Variants in ATP8B2 observed in about 807,000 individuals in gnomAD.
The protein encoded by ATP8B2 is phospholipid-transporting ATPase ID.
A neutral mutation model predicts 133.4 loss-of-function variants in ATP8B2; 70 were observed. The observed-to-expected ratio is 0.52, with a 90% CI of 0.43 to 0.64. The LOEUF (loss-of-function observed/expected upper bound fraction) is 0.64. ATP8B2 is among the 30% of genes least tolerant of loss of function. The pLI is 0.00. For synonymous variants in ATP8B2, 517 were observed against 589.5 expected, an observed-to-expected ratio of 0.88 and a Z score of 1.78; for missense variants, 1,101 against 1,535.7, an observed-to-expected ratio of 0.72 and a Z score of 4.73.
intron 13 of ATP8B2, 38 bp downstream of exon 13, chr1:154,341,100 C>T (rs1273920409): frequency 7.5e-6 from 12 of 1,605,912 alleles, no homozygotes; most frequent in Admixed American, 3.4e-5. Flanking sequence ...GCTTGCACCT[C>T]GCCTGGAAGG....
At chr1:154,327,671 C>A (rs1570842808) in intron 1 of ATP8B2, 2 of 892,352 alleles carry the variant, frequency 2.2e-6, no homozygotes, top group Non-Finnish European at 1.8e-6. Context: ...CACCCTGTTT[C>A]CTGATGCCCT....
chr1:154,343,297 CA>C lies in ATP8B2; in HGVS notation c.1639del (p.Ile547Ter). ...FNNIRKRMSV[I>X]VRNPEGKIRL... ...ACAACATCCGCAAGCGGATGTCGGT[CA>C]TAGGTGAGGCCAGGCCTGGGGTGCT... On this transcript the variant is annotated frameshift_variant, in exon 16 of 28. Transcript: ENST00000368489. LOFTEE classifies it high-confidence loss of function. This position sits in a 1 kb window ranked among gnomAD's most constrained non-coding sequence, Gnocchi z 5.8. The C allele has an allele frequency of 1.2e-6, 2 of 1,613,972 alleles. No individual in the cohort carries two copies. Among genetic ancestry groups the C allele is most frequent in the Non-Finnish European group, 1.7e-6 (2 of 1,179,944 alleles).
chr1:154,338,899 G>A (rs1024592032), intron 12 of ATP8B2: 4 of 152,234 alleles, frequency 2.6e-5, no homozygotes, highest in Non-Finnish European at 5.9e-5. Flanking sequence ...TAGGATCAAG[G>A]CAACATGTAG....
Position 154,330,400 on chromosome 1 carries a change from A to G in ATP8B2, c.36A>G (p.Glu12=). The G allele has an allele frequency of 6.2e-7, 1 of 1,613,786 alleles. No individual in the cohort carries two copies. The change falls in exon 3 of 28, where the codon GAA becomes GAG. Residue 12 remains glutamate, a synonymous_variant. Coordinates refer to ENST00000368489, the MANE Select transcript of ATP8B2 (RefSeq NM_001370597.1). ...TGCAGCATCATTTTGTTGCAGAAGAAGAAAGGAGGGCGCGGGCTAATGACC... is the reference window on the plus strand; with the variant it reads ...TGCAGCATCATTTTGTTGCAGAAGAGGAAAGGAGGGCGCGGGCTAATGACC... ...AVCAKKRPPE[E]ERRARANDRE... is the part of the protein sequence containing the mutation.
intron 11 of ATP8B2, among the ~76,000 whole-genome samples, chr1:154,335,858 TGAAACCC>T (rs1686162386): frequency 1.3e-5 from 2 of 151,706 alleles, no homozygotes; most frequent in African/African-American, 4.8e-5. Context: ...ACCAACATGG[TGAAACCC>T]CATCTCTACT....
At position 154,343,513 on chromosome 1, in the gene ATP8B2, A is replaced by G. The variant is rs1686456658; in HGVS notation, c.1703A>G (p.Asp568Gly). The change falls in exon 17 of 28, where the codon GAC becomes GGC. Residue 568 changes from aspartate (D) to glycine (G), a missense_variant. Transcript: ENST00000368489. This position sits in a 1 kb window ranked among gnomAD's most constrained non-coding sequence, Gnocchi z 5.8. Reference sequence around the variant, plus strand: ...AAAGGGGCTGACACTATCCTACTGGACAGACTGCACCACTCCACTCAAGAG... The same window carrying G: ...AAAGGGGCTGACACTATCCTACTGGGCAGACTGCACCACTCCACTCAAGAG... ...YCKGADTILL[D>G]RLHHSTQELL... The G allele has an allele frequency of 1.9e-6, 3 of 1,613,964 alleles. No individual in the cohort carries two copies. The South Asian group carries it at 3.3e-5, about 18-fold the overall frequency.
Position 154,337,574 on chromosome 1 carries a change from C to T in ATP8B2, c.1034+30C>T, listed in dbSNP as rs372285298. On this transcript the variant is annotated intron_variant, in intron 12 of 27. Transcript: ENST00000368489. ...GTGCCTTCTCTGACCTGGGGTCTCTCCAGGGAGTCAGGCGGTCCCATAGAA... is the reference window on the plus strand; with the variant it reads ...GTGCCTTCTCTGACCTGGGGTCTCTTCAGGGAGTCAGGCGGTCCCATAGAA... 86 of 1,614,150 alleles carry T rather than the reference C, an allele frequency of 5.3e-5. 1 individual carries two copies. Among genetic ancestry groups the T allele is most frequent in the Admixed American group, 2.3e-4 (14 of 60,002 alleles).
Position 154,349,164 on chromosome 1 carries a change from C to G in ATP8B2, c.*46C>G, listed in dbSNP as rs1200290645. On this transcript the variant is annotated 3_prime_UTR_variant, in exon 28 of 28. Coordinates refer to ENST00000368489, the MANE Select transcript of ATP8B2 (RefSeq NM_001370597.1). ...GTGCCAGTGACCAGAGCACCCAGGGCTGGCCAGTCACTGAGGGAACAGCGT... is the reference window on the plus strand; with the variant it reads ...GTGCCAGTGACCAGAGCACCCAGGGGTGGCCAGTCACTGAGGGAACAGCGT... 6.3e-7 allele frequency: 1 copy of G among 1,587,730 alleles called. No homozygotes were observed. Among genetic ancestry groups the G allele is most frequent in the Non-Finnish European group, 8.6e-7 (1 of 1,163,614 alleles).
chr1:154,330,599 T>C, intron 3 of ATP8B2, 145 bp downstream of exon 3: 1 of 875,250 alleles, frequency 1.1e-6, no homozygotes, highest in South Asian at 1.6e-5. Context: ...CCATCTGCTA[T>C]CGTGCTGAAT....
chr1:154,329,022 C>T, intron 2 of ATP8B2: 4 of 1,303,874 alleles, frequency 3.1e-6, no homozygotes, highest in Non-Finnish European at 4.0e-6. Context: ...GAGAAGTGGG[C>T]CCGGGCCCAG....
At chr1:154,336,012 A>G (rs1686167913) in intron 11 of ATP8B2, among the ~76,000 whole-genome samples, 1 of 149,596 alleles carries the variant, frequency 6.7e-6, no homozygotes, top group African/African-American at 2.5e-5. Context: ...ACTGCACTCC[A>G]GCCTGGGCGA....
Position 154,346,289 on chromosome 1 carries a change from AC to A in ATP8B2, c.2839del (p.Leu947PhefsTer122). ...YPKLYEPGQL[N>X]LLFNKREFFI... is the part of the protein sequence containing the mutation. ...AAGCTGTATGAGCCGGGCCAGCTGA[AC>A]CTTCTCTTCAACAAGCGGGAGTTCT... On this transcript the variant is annotated frameshift_variant, in exon 25 of 28. Coordinates refer to ENST00000368489, the MANE Select transcript of ATP8B2 (RefSeq NM_001370597.1). LOFTEE classifies it high-confidence loss of function. The surrounding 1 kb of genome is among the most constrained non-coding windows in gnomAD (Gnocchi z 4.5). 6.2e-7 allele frequency: 1 copy of A among 1,614,120 alleles called. No individual in the cohort carries two copies. The highest frequency in any genetic ancestry group is 8.5e-7 in the Non-Finnish European group (1 of 1,180,022).
At chr1:154,348,757 C>G in intron 27 of ATP8B2, 83 bp from the exon 28 acceptor site, 1 of 1,455,174 alleles carries the variant, frequency 6.9e-7, no homozygotes, top group Non-Finnish European at 9.1e-7. Context: ...TCAGCCTGGT[C>G]CCGGGTGCTG....
intron 14 of ATP8B2, 23 bp downstream of exon 14, chr1:154,342,546 C>T (rs763890997): frequency 5.6e-6 from 9 of 1,610,324 alleles, no homozygotes; most frequent in Non-Finnish European, 5.9e-6. Context: ...CTCCCTAATT[C>T]TATGTGCCAG....
At position 154,344,697 on chromosome 1, in the gene ATP8B2, A is replaced by G; in HGVS notation, c.2198A>G (p.Tyr733Cys). ...SSRSVGNGFTYQDKLSSSKLT... is the reference protein window; with the variant it reads ...SSRSVGNGFTCQDKLSSSKLT... ...CGCTCCGTAGGCAACGGCTTCACCTATCAGGACAAGCTTTCTTCTTCCAAG... is the reference window on the plus strand; with the variant it reads ...CGCTCCGTAGGCAACGGCTTCACCTGTCAGGACAAGCTTTCTTCTTCCAAG... Residue 733 changes from tyrosine to cysteine, a missense_variant, in exon 21 of 28, where the codon TAT (tyrosine) becomes TGT (cysteine). Physicochemically the swap from Tyr to Cys is radical, Grantham distance 194. Coordinates refer to ENST00000368489, the MANE Select transcript of ATP8B2 (RefSeq NM_001370597.1). The surrounding 1 kb of genome is among the most constrained non-coding windows in gnomAD (Gnocchi z 4.1). The G allele has an allele frequency of 6.2e-7, 1 of 1,612,486 alleles. No homozygotes were observed. Among genetic ancestry groups the G allele is most frequent in the Non-Finnish European group, 8.5e-7 (1 of 1,178,590 alleles).
Position 154,334,101 on chromosome 1 carries a change from G to C in ATP8B2, c.590-6G>C. The C allele has an allele frequency of 6.2e-7, 1 of 1,613,938 alleles. No homozygotes were observed. On this transcript the variant is annotated splice_region_variant and splice_polypyrimidine_tract_variant and intron_variant, in intron 9 of 27. Transcript: ENST00000368489. This position sits in a 1 kb window ranked among gnomAD's most constrained non-coding sequence, Gnocchi z 4.6. The stretch of plus-strand genomic sequence containing the variant: ...TTAAGCAGTGGAATTCTTGTCTCCT[G>C]TTCAGGTGAAGTGATCTGTGAACCT...
chr1:154,333,190 G>A (rs1279244059), intron 9 of ATP8B2, among the ~76,000 whole-genome samples: 2 of 152,138 alleles, frequency 1.3e-5, no homozygotes, highest in Non-Finnish European at 2.9e-5. Flanking sequence ...CTGCATGCCT[G>A]TAATCCCAGC....
At chr1:154,338,987 G>A (rs1250927716) in intron 12 of ATP8B2, among the ~76,000 whole-genome samples, 2 of 152,214 alleles carry the variant, frequency 1.3e-5, no homozygotes, top group Non-Finnish European at 2.9e-5. Flanking sequence ...GACGAGGCAG[G>A]AGGAATGGCC....
chr1:154,345,882 A>G lies in ATP8B2; in HGVS notation c.2777A>G (p.Gln926Arg). ...LPVLAMGVFD[Q>R]DVPEQRSMEY... ...GTCCTGGCTATGGGGGTCTTTGATC[A>G]GGTATGGGGGAGTTTGATGATCAGA... is the stretch of plus-strand genomic sequence containing the variant. Residue 926 changes from glutamine to arginine, a missense_variant and splice_region_variant, in exon 24 of 28, where the codon CAG becomes CGG. Gln to Arg is a conservative substitution (Grantham distance 43). Transcript: ENST00000368489. The surrounding 1 kb of genome is among the most constrained non-coding windows in gnomAD (Gnocchi z 5.6). 1 of 1,607,212 alleles carries G rather than the reference A, an allele frequency of 6.2e-7. No individual in the cohort carries two copies. Among genetic ancestry groups the G allele is most frequent in the Non-Finnish European group, 8.5e-7 (1 of 1,173,774 alleles).
Sources: allele counts gnomAD v4.1 joint callset (sites outside exome capture counted in the v4.1 genomes callset), GRCh38; gene constraint gnomAD v4.1.1; non-coding constraint Gnocchi (gnomAD v3.1); transcripts MANE v1.5; gene names NCBI Gene and HGNC (gene_info 2026-07-23, HGNC 2026-07-21).